SLC60A1: variants seen among roughly 807,000 people sequenced by gnomAD.
SLC60A1 encodes the protein major facilitator superfamily domain containing 4.
chr1:205,579,886 C>T, the SLC60A1 span: 40 of 1,614,112 alleles, frequency 2.5e-5, no homozygotes, highest in South Asian at 1.3e-4. Flanking sequence ...TGGGCTGCAT[C>T]GACACCGTGG....
chr1:205,592,093 G>GCT, the SLC60A1 span: 16 of 1,609,676 alleles, frequency 9.9e-6, no homozygotes, highest in South Asian at 1.8e-4. Context: ...CACCACCGAT[G>GCT]CTCAGCTTTT....
chr1:205,598,971 C>G, the SLC60A1 span: 1 of 965,732 alleles, frequency 1.0e-6, no homozygotes. Flanking sequence ...CAACTTGAAA[C>G]AAGGCCAAGG....
At chr1:205,575,349 C>G in the SLC60A1 span, among the ~76,000 whole-genome samples, 1 of 152,172 alleles carries the variant, frequency 6.6e-6, no homozygotes, top group South Asian at 2.1e-4. Context: ...AGAGGGATCA[C>G]CTGGGACAAA....
the SLC60A1 span, among the ~76,000 whole-genome samples, chr1:205,588,080 C>T: frequency 6.6e-6 from 1 of 152,116 alleles, no homozygotes; most frequent in Non-Finnish European, 1.5e-5. Context: ...ACAAATACCC[C>T]AGGGGAATTA....
At chr1:205,592,249 G>C in the SLC60A1 span, 1 of 1,614,102 alleles carries the variant, frequency 6.2e-7, no homozygotes, top group Non-Finnish European at 8.5e-7. Flanking sequence ...ACCTTCCCCA[G>C]CATGCTGGCC....
At chr1:205,580,809 A>G in the SLC60A1 span, 1 of 1,614,138 alleles carries the variant, frequency 6.2e-7, no homozygotes, top group Non-Finnish European at 8.5e-7. The surrounding 1 kb of genome is among the most constrained non-coding windows in gnomAD (Gnocchi z 5.0). Flanking sequence ...GTGCTGGGCC[A>G]GCACCACGTA....
chr1:205,576,791 T>C, the SLC60A1 span, among the ~76,000 whole-genome samples: 2 of 152,130 alleles, frequency 1.3e-5, no homozygotes, highest in Non-Finnish European at 2.9e-5. Flanking sequence ...TGGAAGCAAC[T>C]GGGGAGGGTG....
At chr1:205,587,524 A>G in the SLC60A1 span, among the ~76,000 whole-genome samples, 1 of 152,146 alleles carries the variant, frequency 6.6e-6, no homozygotes. Context: ...TGAGCAGTGG[A>G]GGAATTTGCA....
the SLC60A1 span, chr1:205,580,706 A>G: frequency 1.9e-6 from 3 of 1,606,666 alleles, no homozygotes; most frequent in African/African-American, 4.2e-5. This position sits in a 1 kb window ranked among gnomAD's most constrained non-coding sequence, Gnocchi z 5.0. Flanking sequence ...GAGCCCCCTT[A>G]TTGCTGACCC....
chr1:205,592,383 T>TAAA, the SLC60A1 span: 2 of 1,197,990 alleles, frequency 1.7e-6, no homozygotes, highest in South Asian at 4.0e-5. Context: ...TTTTTTTTTT[T>TAAA]AATTTTATTA....
the SLC60A1 span, among the ~76,000 whole-genome samples, chr1:205,573,286 G>A: frequency 6.6e-6 from 1 of 152,132 alleles, no homozygotes; most frequent in Non-Finnish European, 1.5e-5. Context: ...TAGGCACAGT[G>A]GTACGTGCCT....
the SLC60A1 span, among the ~76,000 whole-genome samples, chr1:205,585,782 G>A: frequency 2.0e-5 from 3 of 151,844 alleles, no homozygotes; most frequent in Non-Finnish European, 4.4e-5. The surrounding 1 kb of genome is among the most constrained non-coding windows in gnomAD (Gnocchi z 4.2). Flanking sequence ...GAGATCCAGA[G>A]CCACCTCTCT....
At chr1:205,590,661 T>A in the SLC60A1 span, among the ~76,000 whole-genome samples, 5 of 152,232 alleles carry the variant, frequency 3.3e-5, no homozygotes, top group Non-Finnish European at 7.3e-5. Context: ...TGAAAGTCTT[T>A]CCTTTCTGCA....
the SLC60A1 span, among the ~76,000 whole-genome samples, chr1:205,592,532 C>G: frequency 1.3e-5 from 2 of 152,026 alleles, no homozygotes; most frequent in African/African-American, 4.8e-5. Context: ...ATCCCTCCCC[C>G]CTCTCCCCAC....
At chr1:205,584,042 G>A in the SLC60A1 span, 5 of 1,614,066 alleles carry the variant, frequency 3.1e-6, no homozygotes, top group Admixed American at 6.7e-5. Context: ...GCTTCTGTCT[G>A]CTGATGAGCT....
chr1:205,600,769 G>T, the SLC60A1 span: 2 of 297,694 alleles, frequency 6.7e-6, no homozygotes, highest in Non-Finnish European at 1.3e-5. Flanking sequence ...CTCATGCATG[G>T]ACCATACTCT....
chr1:205,573,644 G>T, the SLC60A1 span, among the ~76,000 whole-genome samples: 1 of 152,146 alleles, frequency 6.6e-6, no homozygotes, highest in Non-Finnish European at 1.5e-5. Flanking sequence ...CTAGGGCTAA[G>T]GGTAAGGTGT....
At chr1:205,597,755 A>G in the SLC60A1 span, 98 of 1,613,142 alleles carry the variant, frequency 6.1e-5, no homozygotes, top group East Asian at 2.1e-3. Flanking sequence ...TGCTTTTACC[A>G]AACCAAACCT....
At chr1:205,580,147 G>T in the SLC60A1 span, among the ~76,000 whole-genome samples, 5 of 152,174 alleles carry the variant, frequency 3.3e-5, no homozygotes, top group East Asian at 9.6e-4. The surrounding 1 kb of genome is among the most constrained non-coding windows in gnomAD (Gnocchi z 5.0). Context: ...GAGCCTAAGC[G>T]CTTGGGAAAG....
Sources: gnomAD v4.1 joint callset for allele counts (sites outside exome capture counted in the v4.1 genomes callset) on GRCh38, gnomAD v4.1.1 for gene constraint, Gnocchi (gnomAD v3.1) non-coding constraint, MANE v1.5 for transcripts, NCBI Gene and HGNC (gene_info 2026-07-23, HGNC 2026-07-21) for gene names.